SYNE2: variants seen among roughly 807,000 people sequenced by gnomAD.
SYNE2 encodes nesprin-2.
A neutral mutation model predicts 856.3 loss-of-function variants in SYNE2; 431 were observed. The ratio of observed to expected loss-of-function variants is 0.50; its 90% CI spans 0.47 to 0.55. The LOEUF (loss-of-function observed/expected upper bound fraction) is 0.55. Ranked by LOEUF, SYNE2 falls within the 20% of genes least tolerant of loss-of-function variation. The pLI, the probability that SYNE2 is intolerant of heterozygous loss-of-function variation, is 0.00. For synonymous variants in SYNE2, 2,923 were observed against 2,872.3 expected (o/e 1.02, Z -0.56); for missense variants, 8,129 against 8,023.2 (o/e 1.01, Z -0.50).
Position 64,210,075 on chromosome 14 carries a change from G to A in SYNE2, c.18674G>A (p.Arg6225His), listed in dbSNP as rs749491228. The A allele has an allele frequency of 4.3e-6, 7 of 1,614,054 alleles. No individual in the cohort carries two copies. The highest frequency in any genetic ancestry group is 1.1e-5 in the South Asian group (1 of 91,076). ...LKQMVHEGNQ[R>H]WDNLQRRVTA... ...CAGATGGTCCACGAGGGCAACCAGC[G>A]CTGGGACAACCTTCAGAGGCGGGTC... The change falls in exon 103 of 116, where the codon CGC (arginine) becomes CAC (histidine). Residue 6225 changes from arginine to histidine, a missense_variant. Transcript: ENST00000555002.
chr14:64,215,593 A>G, intron 107 of SYNE2: 1 of 588,816 alleles, frequency 1.7e-6, no homozygotes, highest in Non-Finnish European at 3.0e-6. Context: ...AGGCCTGTGC[A>G]GAGGGAATTT....
intron 95 of SYNE2, 68 bp from the exon 96 acceptor site, chr14:64,177,290 C>T (rs995930263): frequency 1.3e-6 from 2 of 1,564,610 alleles, no homozygotes; most frequent in Admixed American, 1.7e-5. Context: ...ATTAAATGAG[C>T]TATTCTATTT....
chr14:64,221,389 G>A, intron 111 of SYNE2, 187 bp from the exon 112 acceptor site: 1 of 1,057,364 alleles, frequency 9.5e-7, no homozygotes, highest in Non-Finnish European at 1.4e-6. Flanking sequence ...TGTGCTGAGT[G>A]TCTTCCTTCT....
In SYNE2 at chr14:63,995,165, G is replaced by A. The variant is rs200356303; in HGVS notation, c.2903G>A (p.Arg968His). ...KQINKEKKLI[R>H]RGRTKGLIKE... ...ATAAATAAAGAAAAGAAACTTATCC[G>A]TAGAGGAAGGACCAAGGGTCTCATC... The change falls in exon 23 of 116, where the codon CGT becomes CAT. Residue 968 changes from arginine to histidine, a missense_variant. By Grantham distance (29) the Arg-to-His change is conservative (BLOSUM62 0). Coordinates refer to ENST00000555002, the MANE Select transcript of SYNE2 (RefSeq NM_182914.3). 6.0e-5 allele frequency: 97 copies of A among 1,606,772 alleles called. No homozygotes were observed. Among genetic ancestry groups the A allele is most frequent in the Middle Eastern group, 1.7e-4 (1 of 6,048 alleles).
chr14:64,089,369 GAAAAAAA>G (rs57358817), intron 58 of SYNE2, among the ~76,000 whole-genome samples, 198 bp from the exon 59 acceptor site: 50 of 50,478 alleles, frequency 9.9e-4, no homozygotes, highest in South Asian at 3.6e-3. Flanking sequence ...TCCGTCTCAG[GAAAAAAA>G]AAAAAAAAAA....
chr14:64,047,944 A>C, intron 45 of SYNE2, 56 bp from the exon 46 acceptor site: 1 of 1,574,676 alleles, frequency 6.4e-7, no homozygotes, highest in South Asian at 1.1e-5. Flanking sequence ...AGAAAAATAA[A>C]AAGGATTTAT....
intron 57 of SYNE2, among the ~76,000 whole-genome samples, chr14:64,082,972 C>T (rs145443113): frequency 7.9e-4 from 121 of 152,214 alleles, no homozygotes; most frequent in African/African-American, 2.6e-3. Context: ...AGTTGCATTG[C>T]GCAGGTGTGT....
rs1022827308 is a variant in SYNE2, at chr14:63,935,959, C to G, written c.80-4655C>G. On this transcript the variant is annotated intron_variant, in intron 2 of 115. Coordinates refer to ENST00000555002, the MANE Select transcript of SYNE2 (RefSeq NM_182914.3). ...GCACAATCTTGGCTCACTGCAACCT[C>G]TCCCTGCCACATTCAAGCGATTCTC... 9.2e-5 allele frequency among the ~76,000 whole-genome samples: 14 copies of G among 152,338 alleles called. 1 individual carries two copies. Among genetic ancestry groups the G allele is most frequent in the Admixed American group, 7.2e-4 (11 of 15,300 alleles).
intron 78 of SYNE2, among the ~76,000 whole-genome samples, chr14:64,134,518 G>T (rs1049435578): frequency 1.3e-5 from 2 of 152,142 alleles, no homozygotes; most frequent in East Asian, 3.9e-4. Context: ...CCTGTCTCTG[G>T]AAGTGAATGC....
At chr14:64,079,809 A>G (rs1368485479) in intron 55 of SYNE2, among the ~76,000 whole-genome samples, 2 of 152,036 alleles carry the variant, frequency 1.3e-5, no homozygotes, top group Non-Finnish European at 2.9e-5. Context: ...CCCTGGCTCA[A>G]TTGATCCTCC....
In SYNE2 at chr14:64,021,108, T is replaced by C. The variant is rs893612436; in HGVS notation, c.5152-207T>C. The stretch of plus-strand genomic sequence containing the variant: ...TTTGTCTCTTAGAAAAAAATCAGAA[T>C]ATCCATTTCAGTTTTTTTTATGTTA... On this transcript the variant is annotated intron_variant, in intron 35 of 115. Coordinates refer to ENST00000555002, the MANE Select transcript of SYNE2 (RefSeq NM_182914.3). 2.0e-5 allele frequency among the ~76,000 whole-genome samples: 3 copies of C among 152,182 alleles called. No homozygotes were observed. The South Asian group carries it at 6.2e-4, about 32-fold the overall frequency.
intron 1 of SYNE2, among the ~76,000 whole-genome samples, chr14:63,866,560 A>G (rs918015587): frequency 6.6e-6 from 1 of 152,196 alleles, no homozygotes; most frequent in African/African-American, 2.4e-5. Context: ...CTACAGTGCA[A>G]AAAAAGTGAA....
intron 1 of SYNE2, among the ~76,000 whole-genome samples, chr14:63,778,811 G>A (rs1390911368): frequency 6.6e-6 from 1 of 151,984 alleles, no homozygotes; most frequent in African/African-American, 2.4e-5. Context: ...CACCGCACCT[G>A]GCCCATTATT....
At position 63,976,692 on chromosome 14, in the gene SYNE2, G is replaced by T. The variant is rs770304594; in HGVS notation, c.1258G>T (p.Val420Leu). ...LSASQDHSQA[V>L]TLIQEKMTLF... The stretch of plus-strand genomic sequence containing the variant: ...AGCCTCCCAGGATCACTCTCAAGCC[G>T]TGACTCTGATACAAGAGAAAATGAC... The change falls in exon 12 of 116, where the codon GTG becomes TTG. Residue 420 changes from valine (V) to leucine (L), a missense_variant. Physicochemically the swap from Val to Leu is conservative, Grantham distance 32. Transcript: ENST00000555002. 1 of 1,613,308 alleles carries T rather than the reference G, an allele frequency of 6.2e-7. No individual in the cohort carries two copies. The highest frequency in any genetic ancestry group is 2.2e-5 in the East Asian group (1 of 44,848).
intron 108 of SYNE2, among the ~76,000 whole-genome samples, chr14:64,217,879 C>A (rs973874208): frequency 6.6e-6 from 1 of 152,156 alleles, no homozygotes; most frequent in African/African-American, 2.4e-5. Context: ...TGTGTGATAA[C>A]AGAAGAGTCA....
chr14:64,056,339 A>G (rs1241881946), intron 49 of SYNE2, 73 bp downstream of exon 49: 3 of 1,365,258 alleles, frequency 2.2e-6, no homozygotes, highest in Non-Finnish European at 3.0e-6. Context: ...CTATATTTTA[A>G]TAGTTTTAAG....
At chr14:63,852,784 A>C (rs1249954292), upstream of SYNE2, among the ~76,000 whole-genome samples, 1 of 152,050 alleles carries the variant, frequency 6.6e-6, no homozygotes, top group Non-Finnish European at 1.5e-5. Context: ...CTGCATTGCG[A>C]GGTGGTCTCT....
rs376253496 is a variant in SYNE2 at position 64,024,895 on chromosome 14, G to C, written c.5841-17G>C. 1.1e-5 allele frequency: 18 copies of C among 1,613,420 alleles called. No individual in the cohort carries two copies. The highest frequency in any genetic ancestry group is 1.5e-5 in the Non-Finnish European group (18 of 1,179,748). On this transcript the variant is annotated splice_polypyrimidine_tract_variant and intron_variant, in intron 39 of 115. Transcript: ENST00000555002. Reference sequence around the variant, plus strand: ...TTTTGCTTATTTTGTATTTAAACATGTGTAATGCTCTTTTAGACTCCAGGA... The same window carrying C: ...TTTTGCTTATTTTGTATTTAAACATCTGTAATGCTCTTTTAGACTCCAGGA...
In SYNE2 at chr14:64,224,539, C is replaced by T. The variant is rs1423117372; in HGVS notation, c.20461C>T (p.Arg6821Ter). Reference sequence around the variant, plus strand: ...TCCTGCAACATCCGTGCCAGCTCCCCGAGCAAAGGTAAGAAGCCCCTTCCT... The same window carrying T: ...TCCTGCAACATCCGTGCCAGCTCCCTGAGCAAAGGTAAGAAGCCCCTTCCT... The part of the protein sequence containing the change: ...QPPATSVPAP[R>*]AKFRAVRTTE... The change falls in exon 114 of 116, where the codon CGA becomes TGA. Residue 6821 changes from arginine to a stop codon, truncating the protein, a stop_gained. Transcript: ENST00000555002. LOFTEE classifies it high-confidence loss of function. The T allele has an allele frequency of 1.2e-6, 2 of 1,614,070 alleles. No homozygotes were observed. The highest frequency in any genetic ancestry group is 8.5e-7 in the Non-Finnish European group (1 of 1,180,006).
Sources: allele counts gnomAD v4.1 joint callset (sites outside exome capture counted in the v4.1 genomes callset), GRCh38; gene constraint gnomAD v4.1.1; transcripts MANE v1.5; gene names NCBI Gene and HGNC (gene_info 2026-07-23, HGNC 2026-07-21).